LRIG3: variants seen among roughly 807,000 people sequenced by gnomAD.
LRIG3 encodes leucine-rich repeats and immunoglobulin-like domains protein 3.
Under a neutral mutation model 114.5 loss-of-function variants are expected in LRIG3, and 76 were observed. The ratio of observed to expected loss-of-function variants is 0.66; its 90% CI spans 0.55 to 0.80. The LOEUF is 0.80. Among genes scored for constraint, LRIG3 ranks in the 30% least tolerant of loss-of-function variants. LRIG3 has a pLI of 0.00. For synonymous variants in LRIG3, 512 were observed against 519.8 expected (o/e 0.98, Z 0.20); for missense variants, 1,239 against 1,382.8 (o/e 0.90, Z 1.65).
At position 58,910,504 on chromosome 12, in the gene LRIG3, A is replaced by G. The variant is rs369299105; in HGVS notation, c.383+3478T>C. The stretch of plus-strand genomic sequence containing the variant: ...GCGCCTGTAGTCCCAGCTGCTGGGG[A>G]GGCTGAGGCAAGAGAACGGCATGAA... On this transcript the variant is annotated intron_variant, in intron 3 of 18. Coordinates refer to ENST00000320743, the MANE Select transcript of LRIG3 (RefSeq NM_153377.5). Among the ~76,000 whole-genome samples, 226 of 152,288 alleles carry G rather than the reference A, an allele frequency of 1.5e-3. 4 individuals are homozygous for G. The highest frequency in any genetic ancestry group is 5.2e-3 in the African/African-American group (217 of 41,574).
chr12:58,883,185 A>G (rs1158957164), intron 11 of LRIG3, among the ~76,000 whole-genome samples, 153 bp from the exon 12 acceptor site: 1 of 152,248 alleles, frequency 6.6e-6, no homozygotes, highest in Non-Finnish European at 1.5e-5. Context: ...TTTAAAATAC[A>G]AGAAATGTAT....
chr12:58,902,234 G>T (rs1021696770), intron 3 of LRIG3, among the ~76,000 whole-genome samples: 1 of 151,884 alleles, frequency 6.6e-6, no homozygotes, highest in East Asian at 1.9e-4. Context: ...ATCACAAAGC[G>T]ATGTGACTCA....
Position 58,919,917 on chromosome 12 carries a change from G to A in LRIG3, c.236+83C>T, listed in dbSNP as rs1013458033. On this transcript the variant is annotated intron_variant, in intron 1 of 18. Coordinates refer to ENST00000320743, the MANE Select transcript of LRIG3 (RefSeq NM_153377.5). ...CTATACGGCAAAAAGGGGACTGCACGCCGAACCCCATTCCCCGCCGGCTCC... is the reference window on the plus strand; with the variant it reads ...CTATACGGCAAAAAGGGGACTGCACACCGAACCCCATTCCCCGCCGGCTCC... 4.5e-6 allele frequency: 6 copies of A among 1,345,010 alleles called. No homozygotes were observed. The Admixed American group carries it at 6.0e-5, about 13-fold the overall frequency. 83.3% of individuals were successfully genotyped at this position (1,345,010 alleles called of 1,614,324 possible).
rs1006515328 is a variant in LRIG3 at position 58,913,678 on chromosome 12, C to A, written c.383+304G>T. 1.7e-5 allele frequency: 4 copies of A among 238,978 alleles called. No individual in the cohort carries two copies. In the East Asian group the frequency reaches 3.8e-4, roughly 23 times the overall value. The allele number at this position is 238,978 out of a possible 1,614,324, so 14.8% of individuals were successfully genotyped here. ...ATTGAGCGATACTAAAATTAAAGTC[C>A]TAGTCTACAGAATACGATAAAATAC... On this transcript the variant is annotated intron_variant, in intron 3 of 18. Coordinates refer to ENST00000320743, the MANE Select transcript of LRIG3 (RefSeq NM_153377.5).
intron 14 of LRIG3, among the ~76,000 whole-genome samples, chr12:58,878,584 G>A (rs1007825763): frequency 1.3e-5 from 2 of 152,026 alleles, no homozygotes; most frequent in East Asian, 1.9e-4. Flanking sequence ...ACTTTTCCTC[G>A]GCCCCTCTCT....
intron 1 of LRIG3, among the ~76,000 whole-genome samples, chr12:58,915,617 G>A (rs1265361332): frequency 2.0e-5 from 3 of 152,072 alleles, no homozygotes; most frequent in African/African-American, 7.2e-5. Flanking sequence ...GACAGTGACA[G>A]ACATGAGTAG....
intron 3 of LRIG3, among the ~76,000 whole-genome samples, chr12:58,900,089 TCC>T (rs1871789377): frequency 6.6e-6 from 1 of 152,164 alleles, no homozygotes; most frequent in East Asian, 1.9e-4. Flanking sequence ...ATTTAAGGTC[TCC>T]CAAAATTAAA....
At chr12:58,893,790 GC>G (rs1229543338) in intron 3 of LRIG3, among the ~76,000 whole-genome samples, 2 of 152,144 alleles carry the variant, frequency 1.3e-5, no homozygotes, top group Non-Finnish European at 2.9e-5. Flanking sequence ...ACTCTGAAGT[GC>G]CCGAGTGCCC....
chr12:58,917,903 C>G (rs1008568074), intron 1 of LRIG3, among the ~76,000 whole-genome samples: 1 of 152,102 alleles, frequency 6.6e-6, no homozygotes, highest in Non-Finnish European at 1.5e-5. Flanking sequence ...CTTTTTAGAC[C>G]ACCTATTCTA....
At chr12:58,901,838 A>G (rs538883553) in intron 3 of LRIG3, among the ~76,000 whole-genome samples, 51 of 152,336 alleles carry the variant, frequency 3.3e-4, no homozygotes, top group African/African-American at 1.2e-3. Flanking sequence ...CACTACGGAA[A>G]GGCTGCTCAC....
In LRIG3 at chr12:58,885,820, T is replaced by A; in HGVS notation, c.1244+11A>T. ...ATTCTCTTTTAGGGTAACTAAATTCTAGCTACTCACAGATGCTCCAATGCA... is the reference window on the plus strand; with the variant it reads ...ATTCTCTTTTAGGGTAACTAAATTCAAGCTACTCACAGATGCTCCAATGCA... On this transcript the variant is annotated intron_variant, in intron 10 of 18. Coordinates refer to ENST00000320743, the MANE Select transcript of LRIG3 (RefSeq NM_153377.5). 1 of 1,549,260 alleles carries A rather than the reference T, an allele frequency of 6.5e-7. No homozygotes were observed. Among genetic ancestry groups the A allele is most frequent in the Admixed American group, 1.8e-5 (1 of 56,990 alleles).
intron 3 of LRIG3, among the ~76,000 whole-genome samples, chr12:58,904,362 G>C (rs577304441): frequency 1.6e-4 from 25 of 152,280 alleles, no homozygotes; most frequent in African/African-American, 5.3e-4. Flanking sequence ...TTATTGTCTT[G>C]TCTCTCTTGG....
In LRIG3 at chr12:58,878,884, T is replaced by C; in HGVS notation, c.2023A>G (p.Ser675Gly). 1 of 1,614,240 alleles carries C rather than the reference T, an allele frequency of 6.2e-7. No homozygotes were observed. Among genetic ancestry groups the C allele is most frequent in the Non-Finnish European group, 8.5e-7 (1 of 1,180,042 alleles). The change falls in exon 14 of 19, where the codon AGC (serine) becomes GGC (glycine). Residue 675 changes from serine (S) to glycine (G), a missense_variant. Coordinates refer to ENST00000320743, the MANE Select transcript of LRIG3 (RefSeq NM_153377.5). ...CCTGCACTGTTCTGAGCTGTGCAGC[T>C]GTATACCCCAATGTCCTCTATCTTC... Reference protein sequence around the residue: ...DVKIEDIGVYSCTAQNSAGSI... With the variant: ...DVKIEDIGVYGCTAQNSAGSI...
At chr12:58,919,617 G>C in intron 1 of LRIG3, 2 of 1,498,088 alleles carry the variant, frequency 1.3e-6, no homozygotes, top group Non-Finnish European at 1.8e-6. Context: ...AACTCAGCGA[G>C]AACTGCAAAC....
intron 4 of LRIG3, 88 bp from the exon 5 acceptor site, chr12:58,890,227 A>G: frequency 7.3e-7 from 1 of 1,375,944 alleles, no homozygotes; most frequent in South Asian, 1.5e-5. Flanking sequence ...GAGTCTCCAG[A>G]GAACTTAACC....
chr12:58,874,698 T>C (rs776890675), intron 16 of LRIG3, 125 bp from the exon 17 acceptor site: 354 of 1,265,842 alleles, frequency 2.8e-4, no homozygotes, highest in Non-Finnish European at 1.7e-4. Context: ...GACAAAAAAA[T>C]TGCAAAAATT....
intron 3 of LRIG3, among the ~76,000 whole-genome samples, chr12:58,896,557 A>G (rs780492883): frequency 2.0e-5 from 3 of 152,224 alleles, no homozygotes; most frequent in Non-Finnish European, 2.9e-5. Context: ...CAGGCAGCTT[A>G]AGACCTTGCA....
At chr12:58,896,800 C>T (rs895676713) in intron 3 of LRIG3, among the ~76,000 whole-genome samples, 1 of 152,162 alleles carries the variant, frequency 6.6e-6, no homozygotes, top group Non-Finnish European at 1.5e-5. Context: ...AACCATCGAG[C>T]AAGCAGATTA....
chr12:58,907,727 T>C (rs1487369265), intron 3 of LRIG3, among the ~76,000 whole-genome samples: 1 of 152,222 alleles, frequency 6.6e-6, no homozygotes, highest in African/African-American at 2.4e-5. Context: ...GTTAGTAGTG[T>C]GAGACGAGAC....
Sources: allele counts gnomAD v4.1 joint callset (sites outside exome capture counted in the v4.1 genomes callset), GRCh38; gene constraint gnomAD v4.1.1; transcripts MANE v1.5; gene names NCBI Gene and HGNC (gene_info 2026-07-23, HGNC 2026-07-21).